Variants in HRH2 observed in about 807,000 individuals in gnomAD.
HRH2 encodes histamine H2 receptor.
HRH2 carries 4 observed loss-of-function variants against 20.1 expected under a neutral mutation model. The ratio of observed to expected loss-of-function variants is 0.20; its 90% CI spans 0.10 to 0.45. The LOEUF is 0.45. HRH2 is among the 20% of genes least tolerant of loss of function. The pLI is 0.99. For synonymous variants in HRH2, 197 were observed against 200.7 expected (o/e 0.98, Z 0.16); for missense variants, 250 against 461.6 (o/e 0.54, Z 4.20).
Position 175,683,131 on chromosome 5 carries a change from T to G in HRH2, c.-103T>G. ...AAAAAAACTGGACACATTTTGGATC[T>G]GTTGGGAGCTTGGAGTCCAGTGGTT... On this transcript the variant is annotated 5_prime_UTR_variant, in exon 2 of 3. Transcript: ENST00000636584. The G allele has an allele frequency of 4.9e-6, 6 of 1,212,444 alleles. No individual in the cohort carries two copies. The highest frequency in any genetic ancestry group is 6.8e-6 in the Non-Finnish European group (6 of 879,684). 75.1% of individuals were successfully genotyped at this position (1,212,444 alleles called of 1,614,324 possible). A position where few individuals can be genotyped will look rare whatever the true frequency, so the allele number is the denominator to read the frequency against.
rs1317542190 is a variant in HRH2, at chr5:175,708,673, C to T, written c.*702C>T. 6.6e-6 allele frequency: 1 copy of T among 152,252 alleles called. No homozygotes were observed. The highest frequency in any genetic ancestry group is 1.5e-5 in the Non-Finnish European group (1 of 68,088). The allele number at this position is 152,252 out of a possible 1,614,324, so 9.4% of individuals were successfully genotyped here. On this transcript the variant is annotated 3_prime_UTR_variant, in exon 3 of 3. Coordinates refer to ENST00000636584, the MANE Select transcript of HRH2 (RefSeq NM_001367711.1). ...ATGAATGAGAGAACGGGTGAAAAGC[C>T]AGGCCTCAAGCCCACACTACTGACA...
At chr5:175,664,505 G>A (rs147758357) in intron 1 of HRH2, among the ~76,000 whole-genome samples, 38 of 152,308 alleles carry the variant, frequency 2.5e-4, no homozygotes, top group Admixed American at 4.6e-4. Context: ...GTCCAGGGGT[G>A]TTCAGGGCAT....
chr5:175,696,704 C>G (rs1756595729), intron 2 of HRH2, among the ~76,000 whole-genome samples: 1 of 152,180 alleles, frequency 6.6e-6, no homozygotes, highest in Non-Finnish European at 1.5e-5. Flanking sequence ...AACTTTGCTT[C>G]TTCCGTGGGA....
At chr5:175,700,216 A>G (rs1309258518) in intron 2 of HRH2, among the ~76,000 whole-genome samples, 1 of 152,190 alleles carries the variant, frequency 6.6e-6, no homozygotes, top group African/African-American at 2.4e-5. Context: ...CCTGCCCACA[A>G]GGCTCTTACA....
intron 1 of HRH2, among the ~76,000 whole-genome samples, chr5:175,673,504 G>A (rs1306667856): frequency 3.9e-5 from 6 of 152,074 alleles, no homozygotes; most frequent in Admixed American, 2.0e-4. Context: ...GCAGGTCGGC[G>A]GCTGCCAGGG....
intron 2 of HRH2, among the ~76,000 whole-genome samples, chr5:175,697,889 C>A (rs923856516): frequency 1.3e-5 from 2 of 152,220 alleles, no homozygotes; most frequent in African/African-American, 4.8e-5. Context: ...CCTGAAGAGC[C>A]TTGTCCACCT....
At chr5:175,660,981 T>C (rs1762721311) in intron 1 of HRH2, among the ~76,000 whole-genome samples, 1 of 152,194 alleles carries the variant, frequency 6.6e-6, no homozygotes, top group Non-Finnish European at 1.5e-5. Flanking sequence ...CATACATGGC[T>C]CATGATGGTT....
At chr5:175,699,681 C>A (rs2113556410) in intron 2 of HRH2, among the ~76,000 whole-genome samples, 1 of 152,330 alleles carries the variant, frequency 6.6e-6, no homozygotes, top group East Asian at 1.9e-4. Context: ...TCACGCCATT[C>A]TCCTGCCTCA....
Position 175,687,712 on chromosome 5 carries a change from C to G in HRH2, c.1076+3403C>G, listed in dbSNP as rs1009388427. On this transcript the variant is annotated intron_variant, in intron 2 of 2. Transcript: ENST00000636584. This position sits in a 1 kb window ranked among gnomAD's most constrained non-coding sequence, Gnocchi z 5.2. ...CCTCATCACCTCTCCCCTGCCTCCT[C>G]TCAGATACCCCTGCTCCCAGCCGCT... is the stretch of plus-strand genomic sequence containing the variant. 6.6e-6 allele frequency among the ~76,000 whole-genome samples: 1 copy of G among 152,120 alleles called. No individual in the cohort carries two copies. Among genetic ancestry groups the G allele is most frequent in the Non-Finnish European group, 1.5e-5 (1 of 68,008 alleles).
At chr5:175,698,997 C>CAG (rs1306067771) in intron 2 of HRH2, among the ~76,000 whole-genome samples, 1 of 152,246 alleles carries the variant, frequency 6.6e-6, no homozygotes, top group East Asian at 1.9e-4. Flanking sequence ...CCCTCAGTCT[C>CAG]TTTCAAAGCA....
In HRH2 at chr5:175,681,358, C is replaced by A. The variant is rs376601701; in HGVS notation, c.-525-1351C>A. Among the ~76,000 whole-genome samples the A allele has an allele frequency of 6.6e-6, 1 of 152,208 alleles. No individual in the cohort carries two copies. The highest frequency in any genetic ancestry group is 2.4e-5 in the African/African-American group (1 of 41,454). ...CTCATATTCAGGTTGCAAACCGCTC[C>A]AGGCAAGAGCCTGGGAGAGGCTTAA... On this transcript the variant is annotated intron_variant, in intron 1 of 2. Transcript: ENST00000636584. The surrounding 1 kb of genome is among the most constrained non-coding windows in gnomAD (Gnocchi z 4.3).
chr5:175,668,744 C>T (rs910747069), intron 1 of HRH2, among the ~76,000 whole-genome samples: 10 of 152,048 alleles, frequency 6.6e-5, no homozygotes, highest in Non-Finnish European at 1.0e-4. Context: ...GGAACAATCG[C>T]GTGCTCCCAG....
chr5:175,700,284 G>A (rs1032220351), intron 2 of HRH2, among the ~76,000 whole-genome samples: 16 of 152,210 alleles, frequency 1.1e-4, no homozygotes, highest in South Asian at 6.2e-4. Context: ...ACCGGCTACC[G>A]GAGACAGCCG....
intron 2 of HRH2, among the ~76,000 whole-genome samples, chr5:175,695,322 G>A (rs1238544569): frequency 5.3e-5 from 8 of 152,086 alleles, no homozygotes; most frequent in African/African-American, 1.9e-4. Context: ...CAAAGGGGAT[G>A]TTACTAGTAC....
intron 2 of HRH2, among the ~76,000 whole-genome samples, chr5:175,688,847 TGCCGAG>T (rs1756266817): frequency 6.6e-6 from 1 of 152,208 alleles, no homozygotes; most frequent in African/African-American, 2.4e-5. Context: ...TCTGGACCCC[TGCCGAG>T]GTCTCTTTGA....
At chr5:175,690,306 T>C (rs987407782) in intron 2 of HRH2, among the ~76,000 whole-genome samples, 4 of 152,276 alleles carry the variant, frequency 2.6e-5, no homozygotes, top group South Asian at 4.1e-4. Flanking sequence ...GTCTGCCTAG[T>C]ATGAGCCATG....
intron 1 of HRH2, among the ~76,000 whole-genome samples, chr5:175,671,820 A>G (rs1755552757): frequency 1.3e-5 from 2 of 152,212 alleles, no homozygotes; most frequent in South Asian, 4.1e-4. Context: ...GCAGTGAGGT[A>G]TGACCTCCAA....
intron 2 of HRH2, among the ~76,000 whole-genome samples, chr5:175,688,088 G>A (rs1756235435): frequency 6.6e-6 from 1 of 152,016 alleles, no homozygotes. Context: ...TGCTTCCAAG[G>A]TCACGTCACC....
At chr5:175,663,666 T>A (rs993246146) in intron 1 of HRH2, among the ~76,000 whole-genome samples, 1 of 152,202 alleles carries the variant, frequency 6.6e-6, no homozygotes, top group Non-Finnish European at 1.5e-5. Flanking sequence ...AGTTGCCAGT[T>A]CCTCTGCCCA....
Sources: allele counts gnomAD v4.1 joint callset (sites outside exome capture counted in the v4.1 genomes callset), GRCh38; gene constraint gnomAD v4.1.1; non-coding constraint Gnocchi (gnomAD v3.1); transcripts MANE v1.5; gene names NCBI Gene and HGNC (gene_info 2026-07-23, HGNC 2026-07-21).